KIAA1671: variants seen among roughly 807,000 people sequenced by gnomAD.
The protein encoded by KIAA1671 is uncharacterized protein KIAA1671.
In KIAA1671, 52 loss-of-function variants were observed where a neutral mutation model predicts 131.2. The ratio of observed to expected loss-of-function variants is 0.40; its 90% confidence interval spans 0.32 to 0.50. The LOEUF (loss-of-function observed/expected upper bound fraction) is 0.50, where lower values mean the gene tolerates loss of function less well. KIAA1671 is among the 20% of genes least tolerant of loss of function. The probability of loss-of-function intolerance (pLI) is 0.73; values close to 1 mark genes in which losing one functional copy is unlikely to be tolerated. For synonymous variants in KIAA1671, 1,003 were observed against 961.6 expected, an observed-to-expected ratio of 1.04 and a Z score of -0.80; for missense variants, 2,360 against 2,364.2, an observed-to-expected ratio of 1.00 and a Z score of 0.04.
At chr22:24,967,152 C>T (rs908303876) in intron 1 of KIAA1671, among the ~76,000 whole-genome samples, 34 of 152,264 alleles carry the variant, frequency 2.2e-4, no homozygotes, top group African/African-American at 7.0e-4. Context: ...AGAATTAAAA[C>T]CAGCCTTTTA....
chr22:25,129,859 A>G (rs1161438001), intron 6 of KIAA1671, among the ~76,000 whole-genome samples: 1 of 152,106 alleles, frequency 6.6e-6, no homozygotes, highest in East Asian at 1.9e-4. Context: ...GAAAATAACA[A>G]TATGTTATGG....
intron 1 of KIAA1671, among the ~76,000 whole-genome samples, chr22:25,002,235 A>T (rs1439329934): frequency 2.6e-5 from 4 of 152,174 alleles, no homozygotes; most frequent in Admixed American, 2.6e-4. Context: ...ATTGGTAACC[A>T]GTGGGTAGGG....
intron 6 of KIAA1671, among the ~76,000 whole-genome samples, chr22:25,169,637 G>A (rs1933773106): frequency 6.6e-6 from 1 of 152,204 alleles, no homozygotes; most frequent in Non-Finnish European, 1.5e-5. Context: ...CTTTTAATTT[G>A]CGAAGCAGAC....
intron 7 of KIAA1671, among the ~76,000 whole-genome samples, chr22:25,171,673 C>G (rs1332308092): frequency 1.3e-5 from 2 of 151,750 alleles, no homozygotes; most frequent in African/African-American, 4.8e-5. Context: ...CAAGATTGCG[C>G]CAATGCACTC....
intron 6 of KIAA1671, among the ~76,000 whole-genome samples, chr22:25,125,400 GA>G (rs1426482980): frequency 6.6e-6 from 1 of 152,228 alleles, no homozygotes; most frequent in African/African-American, 2.4e-5. Context: ...GACTTGGGGA[GA>G]GGTGAGTTGC....
intron 2 of KIAA1671, among the ~76,000 whole-genome samples, chr22:25,026,663 G>A (rs1036463574): frequency 6.6e-6 from 1 of 151,986 alleles, no homozygotes; most frequent in Non-Finnish European, 1.5e-5. Context: ...CTGGGAGGCA[G>A]AAGTTGCTGT....
At chr22:25,043,206 A>C (rs1486051805) in intron 5 of KIAA1671, among the ~76,000 whole-genome samples, 1 of 152,142 alleles carries the variant, frequency 6.6e-6, no homozygotes, top group East Asian at 1.9e-4. Context: ...CCCTCACCCA[A>C]ATAAGCCACT....
chr22:24,972,956 A>G (rs1159284767), intron 1 of KIAA1671, among the ~76,000 whole-genome samples: 2 of 152,262 alleles, frequency 1.3e-5, no homozygotes, highest in Admixed American at 1.3e-4. Context: ...GAAGTGACCT[A>G]TGTGCTGAGA....
intron 1 of KIAA1671, among the ~76,000 whole-genome samples, chr22:24,989,005 T>C (rs1836773116): frequency 6.6e-6 from 1 of 152,210 alleles, no homozygotes; most frequent in South Asian, 2.1e-4. Context: ...TGACTCCCTG[T>C]ACTTTGTGCT....
intron 3 of KIAA1671, among the ~76,000 whole-genome samples, chr22:25,030,624 T>C (rs1926234917): frequency 6.6e-6 from 1 of 152,236 alleles, no homozygotes; most frequent in Non-Finnish European, 1.5e-5. Flanking sequence ...TTAATACTGA[T>C]GTTCTAAGTT....
At chr22:24,990,418 A>T (rs1602049767) in intron 1 of KIAA1671, among the ~76,000 whole-genome samples, 1 of 152,272 alleles carries the variant, frequency 6.6e-6, no homozygotes, top group East Asian at 1.9e-4. Context: ...GTTCCTCCCT[A>T]CATGACTCAG....
intron 6 of KIAA1671, among the ~76,000 whole-genome samples, chr22:25,119,208 A>G (rs1247807829): frequency 6.6e-6 from 1 of 152,132 alleles, no homozygotes; most frequent in Non-Finnish European, 1.5e-5. Context: ...ACCCTGTGAC[A>G]CCACCTCCAT....
In KIAA1671 at chr22:25,151,319, A is replaced by G. The variant is rs566589676; in HGVS notation, c.4531-19501A>G. Among the ~76,000 whole-genome samples the G allele has an allele frequency of 1.3e-3, 193 of 148,098 alleles. 3 individuals are homozygous for G. In the South Asian group the frequency reaches 0.032, roughly 24 times the overall value. ...GCAACATATATACATATATGCATATATAATAAATATATAAATAAATATATA... is the reference window on the plus strand; with the variant it reads ...GCAACATATATACATATATGCATATGTAATAAATATATAAATAAATATATA... On this transcript the variant is annotated intron_variant, in intron 6 of 12. Coordinates refer to ENST00000358431, the MANE Select transcript of KIAA1671 (RefSeq NM_001145206.2).
intron 6 of KIAA1671, among the ~76,000 whole-genome samples, chr22:25,128,968 G>A (rs1443936157): frequency 1.3e-5 from 2 of 152,200 alleles, no homozygotes; most frequent in African/African-American, 2.4e-5. Flanking sequence ...GATGTTGGAC[G>A]TTACTTAACC....
chr22:25,010,738 A>G (rs935309814), intron 1 of KIAA1671: 7 of 152,236 alleles, frequency 4.6e-5, no homozygotes, highest in Non-Finnish European at 8.8e-5. Context: ...TTTTGCCTGC[A>G]TGGAATAGAA....
At chr22:25,055,789 G>GATAGAT (rs1240712277) in intron 6 of KIAA1671, 2 of 111,692 alleles carry the variant, frequency 1.8e-5, no homozygotes, top group African/African-American at 3.6e-5. Flanking sequence ...CATATATATA[G>GATAGAT]ATAGATATAG....
At chr22:25,088,107 CTTTCTTTT>C (rs199506316) in intron 6 of KIAA1671, among the ~76,000 whole-genome samples, 19,059 of 148,376 alleles carry the variant, frequency 0.13, 1,200 homozygotes, top group South Asian at 0.15. Flanking sequence ...TTCTTTCTTT[CTTTCTTTT>C]TTTTTTTTTT....
chr22:25,012,629 C>A (rs1239369190), intron 1 of KIAA1671: 3 of 152,132 alleles, frequency 2.0e-5, no homozygotes, highest in African/African-American at 7.2e-5. Context: ...CTTGCAAAAA[C>A]TCTTTTGTAA....
At position 25,029,272 on chromosome 22, in the gene KIAA1671, G is replaced by A. The variant is rs1389305332; in HGVS notation, c.1273G>A (p.Ala425Thr). 9 of 1,503,316 alleles carry A rather than the reference G, an allele frequency of 6.0e-6. No individual in the cohort carries two copies. In the African/African-American group the frequency reaches 1.1e-4, roughly 19 times the overall value. The allele number at this position is 1,503,316 out of a possible 1,614,324, so 93.1% of individuals were successfully genotyped here. Reference sequence around the variant, plus strand: ...TAAGAGCAGAGTGGCGGATGGGGAGGCCGCGGCAGGGGGAGAGTGGGCCTC... The same window carrying A: ...TAAGAGCAGAGTGGCGGATGGGGAGACCGCGGCAGGGGGAGAGTGGGCCTC... Reference protein sequence around the residue: ...EVKSRVADGEAAAGGEWASRR... With the variant: ...EVKSRVADGETAAGGEWASRR... The change falls in exon 3 of 13, where the codon GCC becomes ACC. Residue 425 changes from alanine (A) to threonine (T), a missense_variant. Ala to Thr is a moderately conservative substitution (Grantham distance 58, BLOSUM62 0). Coordinates refer to ENST00000358431, the MANE Select transcript of KIAA1671 (RefSeq NM_001145206.2).
Sources: allele counts gnomAD v4.1 joint callset (sites outside exome capture counted in the v4.1 genomes callset), GRCh38; gene constraint gnomAD v4.1.1; transcripts MANE v1.5; gene names NCBI Gene and HGNC (gene_info 2026-07-23, HGNC 2026-07-21).